Variants in NRXN1 observed in about 807,000 individuals in gnomAD.
NRXN1 encodes the protein neurexin 1.
Under a neutral mutation model 150.9 loss-of-function variants are expected in NRXN1, and 39 were observed. The ratio of observed to expected loss-of-function variants is 0.26; its 90% CI spans 0.20 to 0.34. NRXN1 has a LOEUF of 0.34. NRXN1 is among the 10% of genes least tolerant of loss of function. The pLI is 1.00. For synonymous variants in NRXN1, 924 were observed against 757.0 expected (o/e 1.22, Z -3.62); for missense variants, 1,815 against 1,949.9 (o/e 0.93, Z 1.30).
intron 15 of NRXN1, among the ~76,000 whole-genome samples, chr2:50,492,355 A>G (rs1394472586): frequency 6.6e-6 from 1 of 152,192 alleles, no homozygotes; most frequent in Non-Finnish European, 1.5e-5. Context: ...AAGCTGAACA[A>G]GGCCAGCTGC....
chr2:49,959,094 C>T (rs942996098), intron 21 of NRXN1, among the ~76,000 whole-genome samples: 4 of 152,138 alleles, frequency 2.6e-5, no homozygotes, highest in African/African-American at 7.2e-5. Context: ...GTAATATTTT[C>T]ACTATGATAA....
chr2:50,959,164 T>A (rs910734335), intron 2 of NRXN1, among the ~76,000 whole-genome samples: 1 of 152,034 alleles, frequency 6.6e-6, no homozygotes, highest in Non-Finnish European at 1.5e-5. Flanking sequence ...CTGATAAAAA[T>A]GTAAATGATG....
At chr2:50,660,101 G>C (rs1424386315) in intron 5 of NRXN1, among the ~76,000 whole-genome samples, 1 of 151,880 alleles carries the variant, frequency 6.6e-6, no homozygotes, top group Non-Finnish European at 1.5e-5. Context: ...TTACCCACTG[G>C]GGACTTGGAA....
intron 22 of NRXN1, among the ~76,000 whole-genome samples, chr2:49,934,665 A>G (rs529281433): frequency 6.6e-6 from 1 of 152,272 alleles, no homozygotes; most frequent in South Asian, 2.1e-4. Context: ...GGCATCCATC[A>G]TGGTGGGGAG....
chr2:50,070,542 G>T (rs181444135), intron 19 of NRXN1, among the ~76,000 whole-genome samples: 1 of 151,714 alleles, frequency 6.6e-6, no homozygotes, highest in African/African-American at 2.4e-5. Context: ...AGGCCGAGGC[G>T]GGCGGATCAC....
chr2:50,430,471 T>C (rs2084874529), intron 17 of NRXN1, among the ~76,000 whole-genome samples: 1 of 152,234 alleles, frequency 6.6e-6, no homozygotes, highest in East Asian at 1.9e-4. Context: ...ACTTAAAATG[T>C]GGCAGGTGCA....
At chr2:50,502,187 A>C (rs1235029123) in intron 13 of NRXN1, among the ~76,000 whole-genome samples, 1 of 151,258 alleles carries the variant, frequency 6.6e-6, no homozygotes, top group African/African-American at 2.4e-5. Flanking sequence ...ACAAAATAGA[A>C]GAAGAAGGAA....
chr2:49,994,747 T>A lies in NRXN1; in HGVS notation c.4129-50956A>T, dbSNP rs144056448. 3.8e-3 allele frequency among the ~76,000 whole-genome samples: 573 copies of A among 152,316 alleles called. 2 individuals are homozygous for A. The highest frequency in any genetic ancestry group is 6.2e-3 in the Non-Finnish European group (424 of 68,022). On this transcript the variant is annotated intron_variant, in intron 21 of 22. Coordinates refer to ENST00000401669, the MANE Select transcript of NRXN1 (RefSeq NM_001330078.2). ...GGCCAGTCATGCTCATTCATTCTCA[T>A]TTAAAATAATTATTTGATGATACAG...
At chr2:50,622,555 A>G (rs865866686) in intron 6 of NRXN1, among the ~76,000 whole-genome samples, 4 of 152,310 alleles carry the variant, frequency 2.6e-5, no homozygotes, top group Middle Eastern at 6.8e-3. Flanking sequence ...CAATCTATTC[A>G]TTTTCATTCG....
In NRXN1 at chr2:50,075,899, G is replaced by C. The variant is rs530919854; in HGVS notation, c.3718+15424C>G. Among the ~76,000 whole-genome samples the C allele has an allele frequency of 1.8e-4, 28 of 152,038 alleles. No individual in the cohort carries two copies. The South Asian group carries it at 5.8e-3, about 32-fold the overall frequency. On this transcript the variant is annotated intron_variant, in intron 19 of 22. Transcript: ENST00000401669. ...ATTTCAGCCTCGACTCATCCCCTCC[G>C]CTGGGACTCTGGGGCAGCACCCGAG... is the stretch of plus-strand genomic sequence containing the variant.
chr2:50,621,004 C>A, intron 7 of NRXN1: 1 of 502,142 alleles, frequency 2.0e-6, no homozygotes, highest in Non-Finnish European at 3.6e-6. Context: ...TTAACGATGC[C>A]CCTACAGGTG....
At chr2:50,383,302 G>C (rs975785978) in intron 17 of NRXN1, among the ~76,000 whole-genome samples, 3 of 152,068 alleles carry the variant, frequency 2.0e-5, no homozygotes, top group African/African-American at 4.8e-5. Context: ...CACGCGGCCT[G>C]TTTTCCATTC....
intron 21 of NRXN1, among the ~76,000 whole-genome samples, chr2:50,004,389 G>T (rs1000148294): frequency 6.6e-6 from 1 of 151,956 alleles, no homozygotes; most frequent in Non-Finnish European, 1.5e-5. Flanking sequence ...GAGAGTGGAA[G>T]AATCTTTAGT....
chr2:50,552,967 T>C lies in NRXN1; in HGVS notation c.1379A>G (p.Asp460Gly), dbSNP rs1411484537. 2 of 1,613,606 alleles carry C rather than the reference T, an allele frequency of 1.2e-6. No individual in the cohort carries two copies. The highest frequency in any genetic ancestry group is 1.7e-6 in the Non-Finnish European group (2 of 1,179,666). Residue 460 changes from aspartate to glycine, a missense_variant, in exon 9 of 23, where the codon GAT (aspartate) becomes GGT (glycine). Around this residue, in one of 6 missense-constraint regions of NRXN1, gnomAD observed 638 missense variants for 652.6 expected, o/e 0.98. Coordinates refer to ENST00000401669, the MANE Select transcript of NRXN1 (RefSeq NM_001330078.2). Reference protein sequence around the residue: ...LELSRLAKQGDPKMKIHGVVA... With the variant: ...LELSRLAKQGGPKMKIHGVVA... ...CACTCCATGGATCTTCATCTTAGGA[T>C]CTCCTTGCTTGGCAAGTCGAGATAA... is the stretch of plus-strand genomic sequence containing the variant.
At chr2:50,424,046 T>C (rs1378649354) in intron 17 of NRXN1, among the ~76,000 whole-genome samples, 1 of 151,016 alleles carries the variant, frequency 6.6e-6, no homozygotes, top group African/African-American at 2.4e-5. Context: ...AAGAAGTTCA[T>C]TGAAATGGGC....
At chr2:49,980,378 G>T (rs1297402240) in intron 21 of NRXN1, among the ~76,000 whole-genome samples, 1 of 152,012 alleles carries the variant, frequency 6.6e-6, no homozygotes, top group East Asian at 1.9e-4. Context: ...TTCAGCTTCG[G>T]AATTCTTCTT....
At chr2:49,987,699 C>T (rs545567218) in intron 21 of NRXN1, among the ~76,000 whole-genome samples, 1 of 151,226 alleles carries the variant, frequency 6.6e-6, no homozygotes, top group Admixed American at 6.6e-5. Flanking sequence ...ATTATGTCAA[C>T]ATTCTACCTA....
intron 2 of NRXN1, among the ~76,000 whole-genome samples, chr2:51,014,390 T>C (rs915106288): frequency 6.6e-6 from 1 of 152,050 alleles, no homozygotes; most frequent in African/African-American, 2.4e-5. Context: ...ACCATATGGA[T>C]TTTATTTCCA....
chr2:50,789,800 C>T (rs1705676317), intron 5 of NRXN1, among the ~76,000 whole-genome samples: 1 of 151,994 alleles, frequency 6.6e-6, no homozygotes, highest in Non-Finnish European at 1.5e-5. Context: ...ACAGAAAAGT[C>T]ATGGAAATCA....
Sources: allele counts gnomAD v4.1 joint callset (sites outside exome capture counted in the v4.1 genomes callset), GRCh38; gene constraint gnomAD v4.1.1; regional missense constraint gnomAD v4.1.1; transcripts MANE v1.5; gene names NCBI Gene and HGNC (gene_info 2026-07-23, HGNC 2026-07-21).